The following SUPT3H variants were observed in gnomAD, a reference collection of about 807,000 sequenced individuals.
SUPT3H encodes SPT3 homolog, SAGA and STAGA complex component, also known as transcription initiation protein SPT3 homolog.
In SUPT3H, 44 loss-of-function variants were observed where a neutral mutation model predicts 44.3. The ratio of observed to expected loss-of-function variants is 0.99; its 90% CI spans 0.78 to 1.28. The LOEUF is 1.28. Among genes scored for constraint, SUPT3H ranks in the 50% most tolerant of loss-of-function variants. The pLI is 0.00. For missense variants in SUPT3H, 380 were observed against 387.1 expected (o/e 0.98, Z 0.15); for synonymous variants, 124 against 125.6 (o/e 0.99, Z 0.09).
rs548285775 is a variant in SUPT3H, at chr6:44,965,113, T to A, written c.505-3285A>T. On this transcript the variant is annotated intron_variant, in intron 6 of 10. Transcript: ENST00000371459. ...CCTACAATTAACATGCTCAAACTAT[T>A]CTTAAGAAAAAGAAATTAGCGAGGC... 1.1e-3 allele frequency among the ~76,000 whole-genome samples: 161 copies of A among 152,300 alleles called. 1 individual carries two copies. The highest frequency in any genetic ancestry group is 3.6e-3 in the African/African-American group (148 of 41,544).
At chr6:44,840,561 A>C (rs1305222153) in intron 10 of SUPT3H, among the ~76,000 whole-genome samples, 1 of 152,224 alleles carries the variant, frequency 6.6e-6, no homozygotes, top group Non-Finnish European at 1.5e-5. Flanking sequence ...TTTATCCAAG[A>C]AACTCCTACT....
intron 2 of SUPT3H, among the ~76,000 whole-genome samples, chr6:45,174,643 A>T (rs564997633): frequency 6.6e-6 from 1 of 152,310 alleles, no homozygotes; most frequent in African/African-American, 2.4e-5. Context: ...AATACTCTAA[A>T]AGAGGAACAC....
intron 2 of SUPT3H, among the ~76,000 whole-genome samples, chr6:45,323,473 T>C (rs959228071): frequency 6.6e-6 from 1 of 152,022 alleles, no homozygotes; most frequent in Non-Finnish European, 1.5e-5. Context: ...CATAGACTGA[T>C]AGAGCAAGCC....
chr6:45,263,624 A>C (rs775131098), intron 2 of SUPT3H, among the ~76,000 whole-genome samples: 6 of 152,142 alleles, frequency 3.9e-5, no homozygotes, highest in Non-Finnish European at 8.8e-5. Context: ...TGCACCCCTG[A>C]ATCTAAAATA....
chr6:44,995,785 G>A, intron 6 of SUPT3H, among the ~76,000 whole-genome samples: 1 of 151,906 alleles, frequency 6.6e-6, no homozygotes, highest in East Asian at 1.9e-4. Flanking sequence ...AAGAGAAATT[G>A]CAGAACAAAG....
chr6:44,985,505 A>G (rs1779674879), intron 6 of SUPT3H, among the ~76,000 whole-genome samples: 3 of 152,156 alleles, frequency 2.0e-5, no homozygotes, highest in African/African-American at 7.2e-5. Context: ...TCCCATAGAA[A>G]CACTGTCCTA....
chr6:45,155,699 T>C (rs980354864), intron 2 of SUPT3H, among the ~76,000 whole-genome samples: 5 of 152,074 alleles, frequency 3.3e-5, no homozygotes, highest in Non-Finnish European at 5.9e-5. Flanking sequence ...ATGGAGTTAG[T>C]CATGCTACGC....
intron 2 of SUPT3H, among the ~76,000 whole-genome samples, chr6:45,258,150 T>G (rs1773724782): frequency 6.6e-6 from 1 of 152,236 alleles, no homozygotes; most frequent in South Asian, 2.1e-4. Flanking sequence ...AATTCTGATA[T>G]TAGTTCTGTT....
chr6:45,182,416 C>A (rs1210678051), intron 2 of SUPT3H, among the ~76,000 whole-genome samples: 3 of 152,126 alleles, frequency 2.0e-5, no homozygotes, highest in Admixed American at 2.0e-4. Flanking sequence ...CACCTGCCCC[C>A]ACGCCTGGCT....
chr6:45,210,159 A>G (rs1216056453), intron 2 of SUPT3H, among the ~76,000 whole-genome samples: 2 of 152,230 alleles, frequency 1.3e-5, no homozygotes, highest in African/African-American at 4.8e-5. Flanking sequence ...AAAATCACTA[A>G]GCCAAAGGGA....
intron 2 of SUPT3H, among the ~76,000 whole-genome samples, chr6:45,168,451 A>G (rs1810264210): frequency 6.6e-6 from 1 of 152,090 alleles, no homozygotes; most frequent in Non-Finnish European, 1.5e-5. Flanking sequence ...CAAAATGTAT[A>G]AAAGTAAGCT....
In SUPT3H at chr6:45,020,302, T is replaced by C. The variant is rs138995629; in HGVS notation, c.273+244A>G. 3.3e-5 allele frequency among the ~76,000 whole-genome samples: 5 copies of C among 152,110 alleles called. No homozygotes were observed. The East Asian group carries it at 9.7e-4, about 29-fold the overall frequency. ...TCATGTAGCAATGAAAGTGTCTGCA[T>C]AGACGCATAAGGATAAGTGAGGGTT... On this transcript the variant is annotated intron_variant, in intron 4 of 10. Coordinates refer to ENST00000371459, the MANE Select transcript of SUPT3H (RefSeq NM_003599.4).
At chr6:45,226,961 C>A (rs1767061957) in intron 2 of SUPT3H, among the ~76,000 whole-genome samples, 1 of 151,796 alleles carries the variant, frequency 6.6e-6, no homozygotes, top group African/African-American at 2.4e-5. Flanking sequence ...CATGCCACTG[C>A]ACTCCAGCCT....
chr6:45,040,871 C>T (rs1019610266), intron 3 of SUPT3H, among the ~76,000 whole-genome samples: 1 of 151,968 alleles, frequency 6.6e-6, no homozygotes, highest in African/African-American at 2.4e-5. Flanking sequence ...GAGATTTGTC[C>T]CTCCCTTATA....
chr6:45,368,740 T>C (rs764461894), intron 1 of SUPT3H, among the ~76,000 whole-genome samples: 1 of 152,170 alleles, frequency 6.6e-6, no homozygotes, highest in Non-Finnish European at 1.5e-5. Context: ...TCAGCAGACC[T>C]ATGTACTGAT....
At chr6:45,353,010 A>G (rs1792387019) in intron 2 of SUPT3H, among the ~76,000 whole-genome samples, 1 of 152,156 alleles carries the variant, frequency 6.6e-6, no homozygotes, top group African/African-American at 2.4e-5. Context: ...CTAGCAAGAA[A>G]AACAAATATT....
chr6:45,122,062 T>C (rs952991200), intron 2 of SUPT3H, among the ~76,000 whole-genome samples: 1 of 151,680 alleles, frequency 6.6e-6, no homozygotes, highest in Non-Finnish European at 1.5e-5. Context: ...AAATTAAAAA[T>C]GAACAAATTG....
At chr6:44,821,968 A>C (rs1292409132), downstream of SUPT3H, among the ~76,000 whole-genome samples, 1 of 152,228 alleles carries the variant, frequency 6.6e-6, no homozygotes, top group East Asian at 1.9e-4. Context: ...TTTTTTAAAA[A>C]AAGGTAGTGT....
chr6:45,135,479 G>A (rs1182043710), intron 2 of SUPT3H, among the ~76,000 whole-genome samples: 1 of 152,132 alleles, frequency 6.6e-6, no homozygotes, highest in Non-Finnish European at 1.5e-5. Flanking sequence ...AAAAGGCCAT[G>A]TAGCACCTTC....
Sources: allele counts gnomAD v4.1 joint callset (sites outside exome capture counted in the v4.1 genomes callset), GRCh38; gene constraint gnomAD v4.1.1; transcripts MANE v1.5; gene names NCBI Gene and HGNC (gene_info 2026-07-23, HGNC 2026-07-21).